Variants in FOXN3 observed in about 807,000 individuals in gnomAD.
FOXN3 encodes forkhead box protein N3.
FOXN3 carries 7 observed loss-of-function variants against 38.4 expected under a neutral mutation model. That is an observed-to-expected ratio of 0.18 (90% CI 0.10 to 0.34). The LOEUF (loss-of-function observed/expected upper bound fraction) is 0.34. FOXN3 is among the 10% of genes least tolerant of loss of function. FOXN3 has a pLI of 1.00. For synonymous variants in FOXN3, 230 were observed against 242.2 expected (o/e 0.95, Z 0.47); for missense variants, 456 against 613.4 (o/e 0.74, Z 2.71).
intron 3 of FOXN3, among the ~76,000 whole-genome samples, chr14:89,333,988 A>ATATATATATATC (rs1888352060): frequency 3.6e-5 from 3 of 83,764 alleles, no homozygotes; most frequent in African/African-American, 1.1e-4. Flanking sequence ...ATATATATAT[A>ATATATATATATC]TATATATATA....
intron 1 of FOXN3, among the ~76,000 whole-genome samples, chr14:89,520,898 A>G (rs975752966): frequency 2.6e-5 from 4 of 152,350 alleles, no homozygotes; most frequent in African/African-American, 7.2e-5. Flanking sequence ...TGCACATGAT[A>G]TTTTACCACC....
In FOXN3 at chr14:89,443,631, T is replaced by C. The variant is rs550108719; in HGVS notation, c.-14-31141A>G. Among the ~76,000 whole-genome samples, 6 of 152,216 alleles carry C rather than the reference T, an allele frequency of 3.9e-5. No individual in the cohort carries two copies. The South Asian group carries it at 1.0e-3, about 26-fold the overall frequency. ...AACAAAAGCTCAAAGTGAGGAAACC[T>C]AAGAGCAGATTCAGAGAACCAAGAA... On this transcript the variant is annotated intron_variant, in intron 1 of 6. Transcript: ENST00000345097.
At chr14:89,374,288 A>AAAAAAG (rs1566971380) in intron 2 of FOXN3, among the ~76,000 whole-genome samples, 4 of 148,376 alleles carry the variant, frequency 2.7e-5, no homozygotes, top group African/African-American at 1.0e-4. Context: ...AAAAAAAAAA[A>AAAAAAG]AAGAAGGAAG....
Position 89,158,980 on chromosome 14 carries a change from G to A in FOXN3, c.*3434C>T, listed in dbSNP as rs1199349555. 2 of 152,438 alleles carry A rather than the reference G, an allele frequency of 1.3e-5. No individual in the cohort carries two copies. The highest frequency in any genetic ancestry group is 2.9e-5 in the Non-Finnish European group (2 of 68,034). 9.4% of individuals were successfully genotyped at this position (152,438 alleles called of 1,614,324 possible). ...CCACACCTCTTAATGGTGTTCAGGC[G>A]ATCTGTCAGACTAATGGATACATAT... On this transcript the variant is annotated 3_prime_UTR_variant, in exon 6 of 6. Transcript: ENST00000557258.
chr14:89,330,875 G>T (rs575648245), intron 3 of FOXN3, among the ~76,000 whole-genome samples: 1 of 152,190 alleles, frequency 6.6e-6, no homozygotes, highest in African/African-American at 2.4e-5. Context: ...AGGCCAGGGA[G>T]CCTGTCCTGT....
intron 1 of FOXN3, among the ~76,000 whole-genome samples, chr14:89,514,380 G>A (rs1053554429): frequency 6.6e-6 from 1 of 152,182 alleles, no homozygotes; most frequent in East Asian, 1.9e-4. Context: ...ATGGCAAACC[G>A]ATGGCCATCC....
At chr14:89,282,762 A>C (rs886601050) in intron 3 of FOXN3, among the ~76,000 whole-genome samples, 1 of 152,182 alleles carries the variant, frequency 6.6e-6, no homozygotes, top group South Asian at 2.1e-4. Flanking sequence ...TTCCATCCAA[A>C]CCTCTTCTTT....
At chr14:89,427,081 T>C (rs983448397) in intron 1 of FOXN3, among the ~76,000 whole-genome samples, 1 of 150,134 alleles carries the variant, frequency 6.7e-6, no homozygotes, top group Non-Finnish European at 1.5e-5. Context: ...ATACAAAAAT[T>C]AGCCGGGCGC....
intron 4 of FOXN3, among the ~76,000 whole-genome samples, chr14:89,210,808 G>A (rs1460333480): frequency 6.6e-6 from 1 of 152,182 alleles, no homozygotes; most frequent in Admixed American, 6.5e-5. Flanking sequence ...CATCAGACAG[G>A]TTATCAAAGT....
intron 4 of FOXN3, among the ~76,000 whole-genome samples, chr14:89,256,104 AGT>A (rs1885611515): frequency 6.6e-6 from 1 of 152,106 alleles, no homozygotes; most frequent in African/African-American, 2.4e-5. Context: ...GGTCAGAATG[AGT>A]GTGCTGGCAC....
At chr14:89,506,089 C>G (rs1288037793) in intron 1 of FOXN3, among the ~76,000 whole-genome samples, 2 of 141,234 alleles carry the variant, frequency 1.4e-5, no homozygotes, top group East Asian at 2.2e-4. Context: ...CAGCCCCCCG[C>G]CCGGCCAGCC....
At chr14:89,236,247 G>A (rs1884976873) in intron 4 of FOXN3, among the ~76,000 whole-genome samples, 1 of 152,206 alleles carries the variant, frequency 6.6e-6, no homozygotes, top group Admixed American at 6.5e-5. Flanking sequence ...CGGGCACGGT[G>A]GCTCATGCCT....
chr14:89,387,683 A>G (rs1209234040), intron 2 of FOXN3, among the ~76,000 whole-genome samples: 3 of 152,250 alleles, frequency 2.0e-5, no homozygotes, highest in Admixed American at 1.3e-4. Context: ...GATTAATAAG[A>G]TCAGGAGTAG....
At chr14:89,288,216 C>G (rs1449520213) in intron 3 of FOXN3, among the ~76,000 whole-genome samples, 2 of 152,128 alleles carry the variant, frequency 1.3e-5, no homozygotes, top group Non-Finnish European at 2.9e-5. Flanking sequence ...CTGAAGTGAT[C>G]AGACCACAAC....
At chr14:89,293,336 C>T (rs995827615) in intron 3 of FOXN3, among the ~76,000 whole-genome samples, 4 of 152,170 alleles carry the variant, frequency 2.6e-5, no homozygotes, top group African/African-American at 9.7e-5. Flanking sequence ...CTGCCATAAC[C>T]AAGTGCCACA....
At chr14:89,266,683 G>A (rs145948560) in intron 4 of FOXN3, among the ~76,000 whole-genome samples, 19 of 152,252 alleles carry the variant, frequency 1.2e-4, no homozygotes, top group Admixed American at 3.9e-4. Flanking sequence ...AATCTTAGTG[G>A]TTCCTGCCAT....
At chr14:89,297,366 T>A (rs1212742742) in intron 3 of FOXN3, among the ~76,000 whole-genome samples, 1 of 151,728 alleles carries the variant, frequency 6.6e-6, no homozygotes, top group Non-Finnish European at 1.5e-5. Context: ...ATCGAGACCA[T>A]CCTGGCTAAC....
intron 1 of FOXN3, among the ~76,000 whole-genome samples, chr14:89,561,044 A>C (rs1008779095): frequency 3.3e-5 from 5 of 152,204 alleles, no homozygotes; most frequent in African/African-American, 1.2e-4. Flanking sequence ...GGGAATACAG[A>C]ACGGCTTCTA....
rs7141436 is a variant in FOXN3 at position 89,164,202 on chromosome 14, C to T, written c.852-1233G>A. On this transcript the variant is annotated intron_variant, in intron 5 of 5. Transcript: ENST00000557258. The surrounding 1 kb of genome is among the most constrained non-coding windows in gnomAD (Gnocchi z 4.3). ...CAGCTGCCTGTCTGTTAGTGCCTGG[C>T]GCCCAGCCTTCAGAAGGATGAATAC... Among the ~76,000 whole-genome samples the T allele has an allele frequency of 0.11, 17,237 of 152,108 alleles. 1,108 individuals carry two copies. The highest frequency in any genetic ancestry group is 0.17 in the African/African-American group (7,037 of 41,456).
Sources: gnomAD v4.1 joint callset for allele counts (sites outside exome capture counted in the v4.1 genomes callset) on GRCh38, gnomAD v4.1.1 for gene constraint, Gnocchi (gnomAD v3.1) non-coding constraint, MANE v1.5 for transcripts, NCBI Gene and HGNC (gene_info 2026-07-23, HGNC 2026-07-21) for gene names.